The following PICALM variants were observed in gnomAD, a reference collection of about 807,000 sequenced individuals.
PICALM encodes phosphatidylinositol binding clathrin assembly protein.
PICALM carries 40 observed loss-of-function variants against 80.5 expected under a neutral mutation model. The ratio of observed to expected loss-of-function variants is 0.50; its 90% CI spans 0.39 to 0.65. The LOEUF (loss-of-function observed/expected upper bound fraction) is 0.65, where lower values mean the gene tolerates loss of function less well. Among genes scored for constraint, PICALM ranks in the 30% least tolerant of loss-of-function variants. PICALM has a pLI of 0.00. For synonymous variants in PICALM, 288 were observed against 260.3 expected (o/e 1.11, Z -1.02); for missense variants, 676 against 778.9 (o/e 0.87, Z 1.57).
intron 1 of PICALM, among the ~76,000 whole-genome samples, chr11:86,060,993 T>G (rs1267732071): frequency 2.6e-5 from 4 of 152,098 alleles, no homozygotes; most frequent in African/African-American, 9.7e-5. Context: ...GTCAAGAGAA[T>G]GAAAAAGACA....
chr11:85,975,915 C>T (rs1322382202), intron 18 of PICALM, among the ~76,000 whole-genome samples: 1 of 151,966 alleles, frequency 6.6e-6, no homozygotes, highest in Non-Finnish European at 1.5e-5. Flanking sequence ...CATTTTAATG[C>T]AATGACTATG....
chr11:86,000,608 A>G, intron 11 of PICALM, 35 bp downstream of exon 11: 1 of 1,558,360 alleles, frequency 6.4e-7, no homozygotes, highest in South Asian at 1.2e-5. Context: ...CTTTGAACCT[A>G]CATATTCAAA....
chr11:85,988,679 GA>G (rs554889539), intron 13 of PICALM, among the ~76,000 whole-genome samples: 39 of 150,420 alleles, frequency 2.6e-4, no homozygotes, highest in Middle Eastern at 3.4e-3. Flanking sequence ...AGGAAGAAGA[GA>G]AAAAAAAGAA....
intron 5 of PICALM, among the ~76,000 whole-genome samples, chr11:86,013,618 T>A (rs636355): frequency 6.6e-6 from 1 of 151,968 alleles, no homozygotes; most frequent in Non-Finnish European, 1.5e-5. Flanking sequence ...TGTTATTATA[T>A]AACAAAGTAC....
intron 1 of PICALM, among the ~76,000 whole-genome samples, chr11:86,066,988 C>T (rs936389215): frequency 6.6e-6 from 1 of 152,320 alleles, no homozygotes; most frequent in African/African-American, 2.4e-5. Flanking sequence ...CTAAGACAAG[C>T]AAGGACTGAG....
chr11:86,016,203 G>T (rs1016107807), intron 4 of PICALM, among the ~76,000 whole-genome samples: 1 of 152,118 alleles, frequency 6.6e-6, no homozygotes, highest in Admixed American at 6.6e-5. Context: ...CTTGTCATTA[G>T]CTTCAACATC....
intron 1 of PICALM, among the ~76,000 whole-genome samples, chr11:86,059,004 A>G (rs966210357): frequency 5.4e-4 from 82 of 152,336 alleles, no homozygotes; most frequent in African/African-American, 1.9e-3. Context: ...GGAAGACACT[A>G]CCTTGTATCT....
intron 17 of PICALM, chr11:85,978,224 A>T: frequency 1.4e-6 from 1 of 736,592 alleles, no homozygotes; most frequent in Non-Finnish European, 2.5e-6. Flanking sequence ...AATCCCTTGT[A>T]TTTCCAGTAT....
chr11:86,027,319 C>CTCTGAAGT (rs1321618088), intron 2 of PICALM, among the ~76,000 whole-genome samples: 1 of 152,144 alleles, frequency 6.6e-6, no homozygotes, highest in Non-Finnish European at 1.5e-5. Flanking sequence ...CCAAAATGGT[C>CTCTGAAGT]TCTGAAGTGC....
At chr11:86,023,483 T>A (rs1439459875) in intron 3 of PICALM, 1 of 985,018 alleles carries the variant, frequency 1.0e-6, no homozygotes, top group Non-Finnish European at 1.2e-6. Context: ...TGGTTCTATC[T>A]ACTATACCCC....
chr11:86,017,241 T>G (rs114153083), intron 4 of PICALM, among the ~76,000 whole-genome samples: 1 of 148,864 alleles, frequency 6.7e-6, no homozygotes, highest in African/African-American at 2.5e-5. Context: ...AAAAAAAAGT[T>G]AGCTTCTACC....
chr11:86,013,669 C>T (rs1159309066), intron 5 of PICALM, among the ~76,000 whole-genome samples: 2 of 152,054 alleles, frequency 1.3e-5, no homozygotes, highest in African/African-American at 4.8e-5. Flanking sequence ...TAAACAAATA[C>T]AATATATTAA....
At chr11:86,023,466 G>T in intron 3 of PICALM, 1 of 985,004 alleles carries the variant, frequency 1.0e-6, no homozygotes, top group East Asian at 1.1e-4. Flanking sequence ...CAGCTCTTCG[G>T]TTCATATGGT....
chr11:85,974,481 G>C lies in PICALM; in HGVS notation c.1944+227C>G, dbSNP rs746880335. 3 of 643,330 alleles carry C rather than the reference G, an allele frequency of 4.7e-6. No individual in the cohort carries two copies. The African/African-American group carries it at 5.4e-5, about 11-fold the overall frequency. 39.9% of individuals were successfully genotyped at this position (643,330 alleles called of 1,614,324 possible). On this transcript the variant is annotated intron_variant, in intron 19 of 19. Transcript: ENST00000393346. ...CATCCTTTGGATCTACCAACTATAA[G>C]TTACCAAGAATTTTCTGTCTTTAGT...
intron 1 of PICALM, among the ~76,000 whole-genome samples, chr11:86,040,205 A>G (rs977775657): frequency 1.3e-5 from 2 of 152,092 alleles, no homozygotes; most frequent in African/African-American, 4.8e-5. Flanking sequence ...TATAACTTTA[A>G]AAAAGGGGCT....
chr11:86,058,693 ACTT>A (rs766240410), intron 1 of PICALM, among the ~76,000 whole-genome samples: 1 of 152,082 alleles, frequency 6.6e-6, no homozygotes, highest in South Asian at 2.1e-4. Flanking sequence ...TAAAACAGAC[ACTT>A]CTTTTCTTTT....
chr11:85,972,613 T>C (rs190621997), intron 19 of PICALM, among the ~76,000 whole-genome samples: 35 of 152,046 alleles, frequency 2.3e-4, no homozygotes, highest in Non-Finnish European at 4.0e-4. Context: ...AGATGCAGAG[T>C]GGGTGAAGGG....
At chr11:86,048,149 C>T (rs2096110110) in intron 1 of PICALM, among the ~76,000 whole-genome samples, 1 of 152,230 alleles carries the variant, frequency 6.6e-6, no homozygotes, top group South Asian at 2.1e-4. Flanking sequence ...TGGTTCTCTC[C>T]TTGCACTGCA....
intron 2 of PICALM, among the ~76,000 whole-genome samples, chr11:86,028,658 G>T (rs954522273): frequency 6.6e-6 from 1 of 151,962 alleles, no homozygotes; most frequent in African/African-American, 2.4e-5. Flanking sequence ...GTTGGTAAGT[G>T]AACAACAGTA....
Sources: gnomAD v4.1 joint callset for allele counts (sites outside exome capture counted in the v4.1 genomes callset) on GRCh38, gnomAD v4.1.1 for gene constraint, MANE v1.5 for transcripts, NCBI Gene and HGNC (gene_info 2026-07-23, HGNC 2026-07-21) for gene names.